Variants in SAMMSON observed in about 807,000 individuals in gnomAD.
The protein encoded by SAMMSON is long intergenic non-protein coding RNA 1212.
intron 9 of SAMMSON, among the ~76,000 whole-genome samples, chr3:70,364,610 T>C (rs1363806987): frequency 6.6e-6 from 1 of 151,908 alleles, no homozygotes; most frequent in Admixed American, 6.6e-5. Flanking sequence ...TGGCTAGTGT[T>C]CTGTGGTATA....
intron 7 of SAMMSON, among the ~76,000 whole-genome samples, chr3:70,313,610 A>G: frequency 6.6e-6 from 1 of 152,160 alleles, no homozygotes. Flanking sequence ...CATTTTTCTC[A>G]TCAAGGAAAA....
chr3:70,117,579 T>C (rs1468760578), intron 4 of SAMMSON, among the ~76,000 whole-genome samples: 3 of 152,194 alleles, frequency 2.0e-5, no homozygotes, highest in African/African-American at 7.2e-5. Flanking sequence ...CCTTGTTCCA[T>C]GCAGTATTTT....
intron 4 of SAMMSON, among the ~76,000 whole-genome samples, chr3:70,143,375 T>A (rs1642906131): frequency 6.6e-6 from 1 of 151,982 alleles, no homozygotes; most frequent in South Asian, 2.1e-4. Flanking sequence ...TGAATGTGTG[T>A]GTGTGTGTGT....
At chr3:70,066,329 A>T (rs2067210444) in intron 3 of SAMMSON, among the ~76,000 whole-genome samples, 1 of 152,134 alleles carries the variant, frequency 6.6e-6, no homozygotes, top group East Asian at 1.9e-4. Flanking sequence ...TTTCTTCAAA[A>T]ATGCATTTAT....
chr3:70,218,618 ACT>A (rs549827858), intron 4 of SAMMSON, among the ~76,000 whole-genome samples: 4 of 151,896 alleles, frequency 2.6e-5, no homozygotes, highest in South Asian at 2.1e-4. Context: ...GGATTAACAG[ACT>A]CTATTCTGGA....
At chr3:70,413,018 A>G (rs1322193908) in intron 2 of SAMMSON, among the ~76,000 whole-genome samples, 1 of 152,152 alleles carries the variant, frequency 6.6e-6, no homozygotes, top group Non-Finnish European at 1.5e-5. Context: ...GTTTCTTCTT[A>G]GCACAGAACC....
intron 4 of SAMMSON, among the ~76,000 whole-genome samples, chr3:70,151,372 T>G (rs1238732904): frequency 6.6e-6 from 1 of 152,044 alleles, no homozygotes; most frequent in African/African-American, 2.4e-5. Context: ...TGAACAAAGC[T>G]GGATGCTAGA....
At chr3:70,218,896 A>G (rs1701437883) in intron 4 of SAMMSON, among the ~76,000 whole-genome samples, 2 of 152,134 alleles carry the variant, frequency 1.3e-5, no homozygotes, top group South Asian at 4.1e-4. Flanking sequence ...TTCTGAATAT[A>G]TTTTAGAGTG....
intron 4 of SAMMSON, among the ~76,000 whole-genome samples, chr3:70,153,284 T>G (rs952944295): frequency 6.6e-6 from 1 of 151,806 alleles, no homozygotes; most frequent in Non-Finnish European, 1.5e-5. Flanking sequence ...GTATATAAGG[T>G]TTGAAAAAGC....
chr3:70,255,547 AGCCTCAGTCCTCCT>A (rs374166116), intron 6 of SAMMSON, among the ~76,000 whole-genome samples: 10 of 152,054 alleles, frequency 6.6e-5, no homozygotes, highest in East Asian at 1.9e-4. Context: ...TCAGTCCTGC[AGCCTCAGTCCTCCT>A]GCCTCAGTCC....
At chr3:70,257,453 G>A (rs928859513) in intron 6 of SAMMSON, among the ~76,000 whole-genome samples, 8 of 152,006 alleles carry the variant, frequency 5.3e-5, no homozygotes, top group Non-Finnish European at 1.5e-5. Context: ...TCACAAATGA[G>A]CAGAGCTGTA....
chr3:70,110,584 C>T (rs1379180244), intron 4 of SAMMSON, among the ~76,000 whole-genome samples: 1 of 152,134 alleles, frequency 6.6e-6, no homozygotes, highest in Non-Finnish European at 1.5e-5. Flanking sequence ...TTATCTCTCT[C>T]CATGGTGTGG....
chr3:70,111,422 G>A lies in SAMMSON; in HGVS notation n.507+39857G>A, dbSNP rs539528080. On this transcript the variant is annotated intron_variant and non_coding_transcript_variant, in intron 4 of 9. Transcript: ENST00000642114. ...AAAAGACTGAATTCTTAACACTAAC[G>A]TGGAAACTTAAGACACAGGACAGAT... Among the ~76,000 whole-genome samples, 11 of 152,236 alleles carry A rather than the reference G, an allele frequency of 7.2e-5. No homozygotes were observed. The East Asian group carries it at 1.4e-3, about 19-fold the overall frequency.
chr3:70,001,533 G>A (rs1433481931), intron 1 of SAMMSON, among the ~76,000 whole-genome samples: 4 of 151,672 alleles, frequency 2.6e-5, no homozygotes, highest in Non-Finnish European at 5.9e-5. Flanking sequence ...AACATAAATG[G>A]TGGTTTACTA....
intron 6 of SAMMSON, among the ~76,000 whole-genome samples, chr3:70,254,369 T>C (rs1701795889): frequency 6.6e-6 from 1 of 152,200 alleles, no homozygotes; most frequent in South Asian, 2.1e-4. Context: ...TTCTCAATTA[T>C]TATTTTGTTT....
chr3:70,320,234 G>A (rs1465776002), intron 7 of SAMMSON, among the ~76,000 whole-genome samples: 2 of 152,042 alleles, frequency 1.3e-5, no homozygotes, highest in Non-Finnish European at 2.9e-5. Flanking sequence ...GGGAGAAGAA[G>A]CAGTGGGAAA....
chr3:70,215,657 G>A (rs1163051877), intron 4 of SAMMSON, among the ~76,000 whole-genome samples: 1 of 152,040 alleles, frequency 6.6e-6, no homozygotes, highest in African/African-American at 2.4e-5. Flanking sequence ...ATAGTACTGT[G>A]ATTAATTTTG....
chr3:70,357,567 C>A (rs1702838743), intron 8 of SAMMSON, among the ~76,000 whole-genome samples: 1 of 151,912 alleles, frequency 6.6e-6, no homozygotes, highest in Non-Finnish European at 1.5e-5. Context: ...TGGGGAACAA[C>A]ACACACCAGG....
At chr3:70,180,957 T>C (rs1357028687) in intron 4 of SAMMSON, among the ~76,000 whole-genome samples, 1 of 152,128 alleles carries the variant, frequency 6.6e-6, no homozygotes, top group African/African-American at 2.4e-5. Context: ...TGGGCTGAGT[T>C]AGGAAAGAAC....
Sources: allele counts gnomAD v4.1 joint callset (sites outside exome capture counted in the v4.1 genomes callset), GRCh38; gene constraint gnomAD v4.1.1; transcripts MANE v1.5; gene names NCBI Gene and HGNC (gene_info 2026-07-23, HGNC 2026-07-21).